SMU1: variants seen among roughly 807,000 people sequenced by gnomAD.
The protein encoded by SMU1 is SMU1 DNA replication regulator and spliceosomal factor.
A neutral mutation model predicts 62.0 loss-of-function variants in SMU1; 2 were observed. That is an observed-to-expected ratio of 0.03 (90% CI 0.01 to 0.10). The LOEUF (loss-of-function observed/expected upper bound fraction) is 0.10. Ranked by LOEUF, SMU1 falls within the 10% of genes least tolerant of loss-of-function variation. SMU1 has a pLI of 1.00. For synonymous variants in SMU1, 188 were observed against 212.4 expected, an observed-to-expected ratio of 0.89 and a Z score of 1.00; for missense variants, 227 against 622.1, an observed-to-expected ratio of 0.36 and a Z score of 6.76.
At chr9:33,060,667 C>T in intron 5 of SMU1, 83 bp from the exon 6 acceptor site, 3 of 1,561,956 alleles carry the variant, frequency 1.9e-6, no homozygotes, top group Non-Finnish European at 2.6e-6. Flanking sequence ...TTGAGAAACC[C>T]TGCCCTAGCA....
At chr9:33,051,946 G>A (rs1029035400) in intron 10 of SMU1, among the ~76,000 whole-genome samples, 1 of 151,488 alleles carries the variant, frequency 6.6e-6, no homozygotes, top group Non-Finnish European at 1.5e-5. Flanking sequence ...GAACCCGGCA[G>A]GCGGAGGTTA....
At position 33,056,977 on chromosome 9, in the gene SMU1, A is replaced by G. The variant is rs760327577; in HGVS notation, c.868-13T>C. On this transcript the variant is annotated splice_polypyrimidine_tract_variant and intron_variant, in intron 7 of 11. Coordinates refer to ENST00000397149, the MANE Select transcript of SMU1 (RefSeq NM_018225.3). ...GAATCTTCCACACCTTTATTTGAAA[A>G]AAAAAAAAGAATTAAAAAAACCTTG... 5 of 1,590,828 alleles carry G rather than the reference A, an allele frequency of 3.1e-6. No individual in the cohort carries two copies. The highest frequency in any genetic ancestry group is 3.4e-6 in the Non-Finnish European group (4 of 1,173,896).
intron 3 of SMU1, among the ~76,000 whole-genome samples, chr9:33,070,056 C>T (rs1032500834): frequency 5.3e-5 from 8 of 151,476 alleles, no homozygotes; most frequent in Admixed American, 2.6e-4. Flanking sequence ...ACCCAGGAAG[C>T]GGAGGCTGCA....
At chr9:33,054,458 T>TG (rs1193975298) in intron 9 of SMU1, among the ~76,000 whole-genome samples, 8 of 152,342 alleles carry the variant, frequency 5.3e-5, no homozygotes, top group Admixed American at 2.6e-4. Context: ...GAAGTCACAA[T>TG]GTTAGCACAC....
At chr9:33,050,546 A>T (rs1162456102) in intron 10 of SMU1, among the ~76,000 whole-genome samples, 1 of 149,614 alleles carries the variant, frequency 6.7e-6, no homozygotes, top group Non-Finnish European at 1.5e-5. Context: ...AAAAAAAAAA[A>T]GCCGGGTGTG....
Position 33,053,114 on chromosome 9 carries a change from A to C in SMU1, c.1290+9T>G. ...AGTTCCTGTGCAAGGGTACGTTCTGAACACTCACCTGCCCCTGCATGTTCA... is the reference window on the plus strand; with the variant it reads ...AGTTCCTGTGCAAGGGTACGTTCTGCACACTCACCTGCCCCTGCATGTTCA... On this transcript the variant is annotated intron_variant, in intron 10 of 11. Coordinates refer to ENST00000397149, the MANE Select transcript of SMU1 (RefSeq NM_018225.3). 2 of 1,611,964 alleles carry C rather than the reference A, an allele frequency of 1.2e-6. No individual in the cohort carries two copies. Among genetic ancestry groups the C allele is most frequent in the Non-Finnish European group, 1.7e-6 (2 of 1,179,792 alleles).
At chr9:33,073,527 C>G (rs571490856) in intron 2 of SMU1, 69 bp downstream of exon 2, 2 of 1,122,974 alleles carry the variant, frequency 1.8e-6, no homozygotes, top group Middle Eastern at 2.9e-4. Context: ...TGCTCACTGA[C>G]GCTTTTTAGT....
Position 33,046,580 on chromosome 9 carries a change from C to CT in SMU1, c.*712dup, listed in dbSNP as rs1165567603. ...AGAAAGGTATAAAGTTTATTAACAT[C>CT]TTTAAAAAAAAAAAAAAAAAAAAAG... On this transcript the variant is annotated 3_prime_UTR_variant, in exon 12 of 12. Coordinates refer to ENST00000397149, the MANE Select transcript of SMU1 (RefSeq NM_018225.3). 1.8e-5 allele frequency: 2 copies of CT among 112,452 alleles called. No individual in the cohort carries two copies. The highest frequency in any genetic ancestry group is 3.7e-5 in the Non-Finnish European group (2 of 54,506). The allele number at this position is 112,452 out of a possible 1,614,324, so 7.0% of individuals were successfully genotyped here. A position where few individuals can be genotyped will look rare whatever the true frequency, so the allele number is the denominator to read the frequency against.
chr9:33,056,708 C>T (rs995296894), intron 8 of SMU1, 129 bp downstream of exon 8: 1 of 1,022,276 alleles, frequency 9.8e-7, no homozygotes, highest in African/African-American at 1.6e-5. Flanking sequence ...GTCTCACATA[C>T]CTTCCCTCTC....
intron 1 of SMU1, among the ~76,000 whole-genome samples, chr9:33,074,684 A>G (rs1839524596): frequency 6.6e-6 from 1 of 152,190 alleles, no homozygotes; most frequent in Non-Finnish European, 1.5e-5. Context: ...ATTTGATCAG[A>G]TAATAGAGAT....
chr9:33,044,861 C>A lies in SMU1; in HGVS notation c.*2432G>T, dbSNP rs1291518131. ...GCACATACCTTGCCGCTGTGCCACA[C>A]TGGAGTCCCCGGTTAGGTTCCCTGT... On this transcript the variant is annotated 3_prime_UTR_variant, in exon 12 of 12. Transcript: ENST00000397149. 6.6e-6 allele frequency: 1 copy of A among 152,274 alleles called. No individual in the cohort carries two copies. Among genetic ancestry groups the A allele is most frequent in the East Asian group, 1.9e-4 (1 of 5,206 alleles). The allele number at this position is 152,274 out of a possible 1,614,324, so 9.4% of individuals were successfully genotyped here.
In SMU1 at chr9:33,042,027, C is replaced by T. The variant is rs529006809; in HGVS notation, c.*5266G>A. ...AAATACAATAGTGGTTGCGTAACAT[C>T]GTAAATAATGCCACTGAATTGCACA... On this transcript the variant is annotated 3_prime_UTR_variant, in exon 12 of 12. Coordinates refer to ENST00000397149, the MANE Select transcript of SMU1 (RefSeq NM_018225.3). 1 of 152,360 alleles carries T rather than the reference C, an allele frequency of 6.6e-6. No individual in the cohort carries two copies. The highest frequency in any genetic ancestry group is 2.1e-4 in the South Asian group (1 of 4,820). 9.4% of individuals were successfully genotyped at this position (152,360 alleles called of 1,614,324 possible). A position where few individuals can be genotyped will look rare whatever the true frequency, so the allele number is the denominator to read the frequency against.
At chr9:33,075,477 T>C (rs1587715075) in intron 1 of SMU1, among the ~76,000 whole-genome samples, 2 of 152,246 alleles carry the variant, frequency 1.3e-5, no homozygotes, top group South Asian at 4.1e-4. Context: ...ACCCCTGTTA[T>C]TCTGCTATGA....
intron 3 of SMU1, among the ~76,000 whole-genome samples, chr9:33,071,216 G>T (rs924044765): frequency 1.3e-5 from 2 of 152,006 alleles, no homozygotes; most frequent in Non-Finnish European, 2.9e-5. Flanking sequence ...GGGGGGGTGG[G>T]CAGGAAGAAT....
At chr9:33,075,968 G>C (rs1475867591) in intron 1 of SMU1, among the ~76,000 whole-genome samples, 1 of 152,174 alleles carries the variant, frequency 6.6e-6, no homozygotes, top group African/African-American at 2.4e-5. Flanking sequence ...TTCCGTGCCA[G>C]ATCGGGCCTG....
intron 1 of SMU1, among the ~76,000 whole-genome samples, 198 bp downstream of exon 1, chr9:33,076,385 T>TGG (rs1259908965): frequency 2.6e-5 from 4 of 152,176 alleles, no homozygotes; most frequent in African/African-American, 9.7e-5. Flanking sequence ...CTCGAGGTTT[T>TGG]GGGCTTCACG....
intron 5 of SMU1, 81 bp downstream of exon 5, chr9:33,061,968 C>A: frequency 6.8e-7 from 1 of 1,461,978 alleles, no homozygotes; most frequent in Non-Finnish European, 9.4e-7. Context: ...ATTATCCAAG[C>A]CCCTGGCACA....
intron 4 of SMU1, among the ~76,000 whole-genome samples, chr9:33,064,930 A>G (rs1839403765): frequency 6.6e-6 from 1 of 152,062 alleles, no homozygotes; most frequent in African/African-American, 2.4e-5. Flanking sequence ...TTTAGTAGAC[A>G]CAAGGTTTCG....
intron 3 of SMU1, 102 bp from the exon 4 acceptor site, chr9:33,069,036 T>A: frequency 2.1e-6 from 3 of 1,412,926 alleles, no homozygotes; most frequent in Non-Finnish European, 2.8e-6. Context: ...GAGGAAAATG[T>A]GAAAAGAAAT....
Sources: allele counts gnomAD v4.1 joint callset (sites outside exome capture counted in the v4.1 genomes callset), GRCh38; gene constraint gnomAD v4.1.1; transcripts MANE v1.5; gene names NCBI Gene and HGNC (gene_info 2026-07-23, HGNC 2026-07-21).